TCTN1: variants seen among roughly 807,000 people sequenced by gnomAD.
The protein encoded by TCTN1 is tectonic family member 1.
A neutral mutation model predicts 65.8 loss-of-function variants in TCTN1; 58 were observed. The observed-to-expected ratio is 0.88, with a 90% CI of 0.71 to 1.10. TCTN1 has a LOEUF of 1.10. Ranked by LOEUF, TCTN1 falls within the 50% of genes least tolerant of loss-of-function variation. The pLI, the probability that TCTN1 is intolerant of heterozygous loss-of-function variation, is 0.00. For synonymous variants in TCTN1, 273 were observed against 289.1 expected, an observed-to-expected ratio of 0.94 and a Z score of 0.57; for missense variants, 645 against 719.4, an observed-to-expected ratio of 0.90 and a Z score of 1.18.
At position 110,644,559 on chromosome 12, in the gene TCTN1, T is replaced by G. The variant is rs2067172790; in HGVS notation, c.1332-408T>G. ...CAGGCATGGTGGTGGGCACCTGTAG[T>G]CCCAGCTACTCAGGAGGCTGAGGCA... On this transcript the variant is annotated intron_variant, in intron 11 of 14. Transcript: ENST00000397659. The surrounding 1 kb of genome is among the most constrained non-coding windows in gnomAD (Gnocchi z 4.6). The G allele has an allele frequency of 3.7e-6, 1 of 270,404 alleles. No homozygotes were observed. Among genetic ancestry groups the G allele is most frequent in the Non-Finnish European group, 7.2e-6 (1 of 138,646 alleles). 16.8% of individuals were successfully genotyped at this position (270,404 alleles called of 1,614,324 possible).
chr12:110,622,144 T>A (rs61698372), intron 2 of TCTN1, among the ~76,000 whole-genome samples: 41,175 of 148,552 alleles, frequency 0.28, 7,235 homozygotes, highest in African/African-American at 0.51. Flanking sequence ...TAAAAAAAAA[T>A]AATAATAATA....
intron 12 of TCTN1, chr12:110,645,355 C>T (rs1468684438): frequency 3.5e-6 from 2 of 569,116 alleles, no homozygotes; most frequent in Non-Finnish European, 6.3e-6. Context: ...GAACGCTAGT[C>T]AATAGTGAGT....
At chr12:110,637,009 G>C (rs577909704) in intron 7 of TCTN1, among the ~76,000 whole-genome samples, 1 of 152,200 alleles carries the variant, frequency 6.6e-6, no homozygotes, top group Non-Finnish European at 1.5e-5. Context: ...TGGTCAGGAT[G>C]TCAGGGTCTC....
At chr12:110,627,319 A>C (rs374208733) in intron 3 of TCTN1, among the ~76,000 whole-genome samples, 60 of 151,622 alleles carry the variant, frequency 4.0e-4, no homozygotes, top group African/African-American at 1.4e-3. Flanking sequence ...CTGGTCTCAA[A>C]CTCCTGACCT....
chr12:110,637,312 G>A (rs569353428), intron 7 of TCTN1, among the ~76,000 whole-genome samples: 1 of 152,230 alleles, frequency 6.6e-6, no homozygotes, highest in Non-Finnish European at 1.5e-5. Context: ...ATCTGCGCAT[G>A]GGATGCACTC....
At chr12:110,647,914 C>T in intron 14 of TCTN1, 21 bp downstream of exon 14, 4 of 1,612,264 alleles carry the variant, frequency 2.5e-6, no homozygotes, top group Non-Finnish European at 2.5e-6. Flanking sequence ...AAACTACGCC[C>T]CTCCTCTGAG....
In TCTN1 at chr12:110,641,587, G is replaced by A. The variant is rs768050958; in HGVS notation, c.1150G>A (p.Val384Met). The A allele has an allele frequency of 6.8e-6, 11 of 1,614,104 alleles. No individual in the cohort carries two copies. Among genetic ancestry groups the A allele is most frequent in the Middle Eastern group, 1.6e-4 (1 of 6,084 alleles). ...VPLSGNPGYV[V>M]GLPLAAGFQP... is the part of the protein sequence containing the mutation. Reference sequence around the variant, plus strand: ...TCTCAGTGGAAACCCTGGTTATGTCGTGGGGCTCCCATTAGCTGCTGGATT... The same window carrying A: ...TCTCAGTGGAAACCCTGGTTATGTCATGGGGCTCCCATTAGCTGCTGGATT... Residue 384 changes from valine (V) to methionine (M), a missense_variant, in exon 10 of 15, where the codon GTG (valine) becomes ATG (methionine). Val to Met is a conservative substitution (Grantham distance 21, BLOSUM62 1). Transcript: ENST00000397659.
intron 2 of TCTN1, among the ~76,000 whole-genome samples, chr12:110,622,909 C>G (rs1013557495): frequency 2.0e-5 from 3 of 152,144 alleles, no homozygotes; most frequent in African/African-American, 7.2e-5. Context: ...TTAACGGTTT[C>G]CCTCCCCATC....
chr12:110,644,539 A>G lies in TCTN1; in HGVS notation c.1332-428A>G, dbSNP rs531574841. The G allele has an allele frequency of 4.0e-4, 98 of 242,102 alleles. No homozygotes were observed. The highest frequency in any genetic ancestry group is 6.8e-4 in the Non-Finnish European group (83 of 122,418). 15.0% of individuals were successfully genotyped at this position (242,102 alleles called of 1,614,324 possible). A position where few individuals can be genotyped will look rare whatever the true frequency, so the allele number is the denominator to read the frequency against. On this transcript the variant is annotated intron_variant, in intron 11 of 14. Coordinates refer to ENST00000397659, the MANE Select transcript of TCTN1 (RefSeq NM_001082538.3). The surrounding 1 kb of genome is among the most constrained non-coding windows in gnomAD (Gnocchi z 4.6). ...AAAAATACAAAAAAATTAGCCAGGC[A>G]TGGTGGTGGGCACCTGTAGTCCCAG...
At chr12:110,619,625 C>T (rs571700375) in intron 1 of TCTN1, among the ~76,000 whole-genome samples, 1 of 152,160 alleles carries the variant, frequency 6.6e-6, no homozygotes, top group African/African-American at 2.4e-5. Context: ...ACTTTCCAAG[C>T]GAGTCAGATC....
chr12:110,635,824 C>G (rs1277889998), intron 6 of TCTN1: 1 of 152,674 alleles, frequency 6.5e-6, no homozygotes, highest in Non-Finnish European at 1.5e-5. Flanking sequence ...TTCTCTCTCC[C>G]TCTCTTGTGT....
intron 1 of TCTN1, among the ~76,000 whole-genome samples, chr12:110,618,714 G>T (rs892259842): frequency 2.0e-5 from 3 of 152,024 alleles, no homozygotes; most frequent in African/African-American, 4.8e-5. Context: ...AAGATTGAAG[G>T]TTGATCTTAC....
intron 10 of TCTN1, chr12:110,641,859 G>GTTT: frequency 4.7e-6 from 2 of 427,454 alleles, no homozygotes; most frequent in East Asian, 4.1e-5. Context: ...AAATGTCAGT[G>GTTT]TTTTTTTTTT....
chr12:110,629,323 G>T, intron 4 of TCTN1: 1 of 204,592 alleles, frequency 4.9e-6, no homozygotes, highest in Non-Finnish European at 9.8e-6. Flanking sequence ...TACAGAATGG[G>T]AAAAAATTTT....
In TCTN1 at chr12:110,639,348, C is replaced by T. The variant is rs2066798000; in HGVS notation, c.844-1035C>T. On this transcript the variant is annotated intron_variant, in intron 7 of 14. Coordinates refer to ENST00000397659, the MANE Select transcript of TCTN1 (RefSeq NM_001082538.3). The surrounding 1 kb of genome is among the most constrained non-coding windows in gnomAD (Gnocchi z 4.9). Reference sequence around the variant, plus strand: ...GAATGCAAAACGTCCTTTAATAGCACTGGGATAAGCAGGGCTTCCCTGGTG... The same window carrying T: ...GAATGCAAAACGTCCTTTAATAGCATTGGGATAAGCAGGGCTTCCCTGGTG... Among the ~76,000 whole-genome samples, 1 of 152,216 alleles carries T rather than the reference C, an allele frequency of 6.6e-6. No individual in the cohort carries two copies.
At chr12:110,616,791 T>G (rs1469794858) in intron 1 of TCTN1, 1 of 151,644 alleles carries the variant, frequency 6.6e-6, no homozygotes, top group East Asian at 1.9e-4. Context: ...TGACTGTGAG[T>G]GGAGAACTGG....
intron 14 of TCTN1, among the ~76,000 whole-genome samples, chr12:110,648,491 C>T (rs2067547927): frequency 6.6e-6 from 1 of 152,136 alleles, no homozygotes; most frequent in Non-Finnish European, 1.5e-5. Flanking sequence ...GGGGATTTGG[C>T]CAGTTCATTC....
chr12:110,640,915 C>A lies in TCTN1; in HGVS notation c.979-109C>A. On this transcript the variant is annotated intron_variant, in intron 8 of 14. Transcript: ENST00000397659. This position sits in a 1 kb window ranked among gnomAD's most constrained non-coding sequence, Gnocchi z 4.9. ...ACTGGACAGCAGAGCAAGGCTTCAA[C>A]ACATGGAGAAACAGGGAAAGATTTG... 6.7e-7 allele frequency: 1 copy of A among 1,498,190 alleles called. No homozygotes were observed. The highest frequency in any genetic ancestry group is 9.2e-7 in the Non-Finnish European group (1 of 1,082,496). 92.8% of individuals were successfully genotyped at this position (1,498,190 alleles called of 1,614,324 possible). A position where few individuals can be genotyped will look rare whatever the true frequency, so the allele number is the denominator to read the frequency against.
Position 110,640,324 on chromosome 12 carries a change from A to G in TCTN1, c.844-59A>G, listed in dbSNP as rs780499032. The G allele has an allele frequency of 1.2e-6, 2 of 1,612,560 alleles. No homozygotes were observed. Among genetic ancestry groups the G allele is most frequent in the African/African-American group, 1.3e-5 (1 of 74,828 alleles). On this transcript the variant is annotated intron_variant, in intron 7 of 14. Transcript: ENST00000397659. This position sits in a 1 kb window ranked among gnomAD's most constrained non-coding sequence, Gnocchi z 4.9. ...GAGGTTTCTTTCCAGTTGGTTGGTTATTTTAGCCCATCCTCCCTGGGTAGA... is the reference window on the plus strand; with the variant it reads ...GAGGTTTCTTTCCAGTTGGTTGGTTGTTTTAGCCCATCCTCCCTGGGTAGA...
Sources: allele counts gnomAD v4.1 joint callset (sites outside exome capture counted in the v4.1 genomes callset), GRCh38; gene constraint gnomAD v4.1.1; non-coding constraint Gnocchi (gnomAD v3.1); transcripts MANE v1.5; gene names NCBI Gene and HGNC (gene_info 2026-07-23, HGNC 2026-07-21).